The following ZNF567 variants were observed in gnomAD, a reference collection of about 807,000 sequenced individuals.
The protein encoded by ZNF567 is zinc finger protein 567.
In ZNF567, 36 loss-of-function variants were observed where a neutral mutation model predicts 53.9. That is an observed-to-expected ratio of 0.67 (90% CI 0.51 to 0.88). The LOEUF (loss-of-function observed/expected upper bound fraction) is 0.88. Among genes scored for constraint, ZNF567 ranks in the 40% least tolerant of loss-of-function variants. The probability of loss-of-function intolerance (pLI) is 0.00; values close to 1 mark genes in which losing one functional copy is unlikely to be tolerated. For missense variants in ZNF567, 619 were observed against 764.7 expected, an observed-to-expected ratio of 0.81 and a Z score of 2.25; for synonymous variants, 224 against 260.4, an observed-to-expected ratio of 0.86 and a Z score of 1.35.
At position 36,719,721 on chromosome 19, in the gene ZNF567, G is replaced by A; in HGVS notation, c.997G>A (p.Gly333Arg). ...CACTGATCATCAGAGAACACACACA[G>A]GGGAGAAATCGTATGAATGTCTGCA... ...ALTDHQRTHT[G>R]EKSYECLQCR... The change falls in exon 6 of 6, where the codon GGG becomes AGG. Residue 333 changes from glycine to arginine, a missense_variant. Coordinates refer to ENST00000682579, the MANE Select transcript of ZNF567 (RefSeq NM_001322917.1). 1 of 1,614,042 alleles carries A rather than the reference G, an allele frequency of 6.2e-7. No homozygotes were observed. The highest frequency in any genetic ancestry group is 1.1e-5 in the South Asian group (1 of 91,072).
chr19:36,710,526 T>C (rs2039727948), intron 3 of ZNF567, among the ~76,000 whole-genome samples: 1 of 152,222 alleles, frequency 6.6e-6, no homozygotes, highest in Non-Finnish European at 1.5e-5. Flanking sequence ...ATTAGCTTGC[T>C]TGTAATCAAA....
At chr19:36,705,436 C>T (rs2039442073) in intron 3 of ZNF567, among the ~76,000 whole-genome samples, 1 of 151,970 alleles carries the variant, frequency 6.6e-6, no homozygotes. Context: ...TTGTTTTTTG[C>T]TCATTGGTTA....
downstream of ZNF567, chr19:36,723,405 C>T: frequency 5.1e-6 from 3 of 591,034 alleles, no homozygotes; most frequent in Admixed American, 5.9e-5. Context: ...TAGCCATGTA[C>T]TGTTTCAGTA....
At chr19:36,714,068 C>G (rs1336798174) in intron 5 of ZNF567, among the ~76,000 whole-genome samples, 1 of 152,138 alleles carries the variant, frequency 6.6e-6, no homozygotes, top group Non-Finnish European at 1.5e-5. Flanking sequence ...TTTTTATTAG[C>G]TCGTGTATCT....
chr19:36,703,865 G>C (rs3108565), intron 3 of ZNF567: 102,768 of 152,842 alleles, frequency 0.67, 34,883 homozygotes, highest in East Asian at 0.82. Context: ...AGGGAACATC[G>C]TGACCCCTTG....
chr19:36,699,075 A>T (rs1214639429), intron 3 of ZNF567, among the ~76,000 whole-genome samples: 1 of 152,018 alleles, frequency 6.6e-6, no homozygotes, highest in Non-Finnish European at 1.5e-5. Context: ...TAAGTCTTTA[A>T]TCCATCTTGA....
intron 5 of ZNF567, among the ~76,000 whole-genome samples, chr19:36,715,818 C>T (rs769735598): frequency 2.0e-5 from 3 of 152,054 alleles, no homozygotes; most frequent in South Asian, 2.1e-4. Flanking sequence ...CCTGAGCCAC[C>T]GTGCCCAATC....
chr19:36,684,779 A>T (rs914492026), upstream of ZNF567, among the ~76,000 whole-genome samples: 1 of 152,178 alleles, frequency 6.6e-6, no homozygotes, highest in Non-Finnish European at 1.5e-5. Flanking sequence ...TTAATCATCA[A>T]GCAGAAAGAA....
the ZNF567 span, among the ~76,000 whole-genome samples, chr19:36,672,175 C>A: frequency 6.6e-6 from 1 of 152,342 alleles, no homozygotes; most frequent in Middle Eastern, 3.4e-3. Context: ...GAACTCTGAG[C>A]ACCGCACCTG....
At chr19:36,693,144 C>T (rs141458391) in intron 2 of ZNF567, among the ~76,000 whole-genome samples, 10 of 152,112 alleles carry the variant, frequency 6.6e-5, no homozygotes, top group East Asian at 3.9e-4. Context: ...AAAAGTTAGC[C>T]GGTCTTGATG....
the ZNF567 span, among the ~76,000 whole-genome samples, chr19:36,678,426 T>C: frequency 6.6e-6 from 1 of 152,118 alleles, no homozygotes; most frequent in Non-Finnish European, 1.5e-5. Flanking sequence ...CTATTCCACA[T>C]AGCAAAGGAA....
chr19:36,674,241 G>C, the ZNF567 span, among the ~76,000 whole-genome samples: 731 of 152,272 alleles, frequency 4.8e-3, 3 homozygotes, highest in Non-Finnish European at 7.5e-3. Flanking sequence ...CTGGCAACAT[G>C]CAAGACCTTG....
chr19:36,677,117 T>C, the ZNF567 span, among the ~76,000 whole-genome samples: 2 of 129,872 alleles, frequency 1.5e-5, no homozygotes, highest in African/African-American at 3.0e-5. Context: ...ACCATGCCAT[T>C]GCACTCTAGC....
At chr19:36,688,733 GGA>G (rs1473304195) in intron 1 of ZNF567, among the ~76,000 whole-genome samples, 1 of 151,220 alleles carries the variant, frequency 6.6e-6, no homozygotes, top group Non-Finnish European at 1.5e-5. Flanking sequence ...CGTGAACCCG[GGA>G]GGCGGAGCTT....
intron 3 of ZNF567, among the ~76,000 whole-genome samples, chr19:36,701,832 A>G (rs1288216502): frequency 2.5e-5 from 3 of 120,332 alleles, no homozygotes; most frequent in Non-Finnish European, 3.5e-5. Flanking sequence ...TGCACGTGAG[A>G]TGGGTTTCCT....
chr19:36,712,492 A>G lies in ZNF567; in HGVS notation c.116A>G (p.Tyr39Cys). ...TLYMDVMLEN[Y>C]CHLISVGCHM... ...TATATGGATGTGATGTTGGAAAACTATTGCCACCTCATCTCTGTGGGTAAG... is the reference window on the plus strand; with the variant it reads ...TATATGGATGTGATGTTGGAAAACTGTTGCCACCTCATCTCTGTGGGTAAG... The change falls in exon 4 of 6, where the codon TAT (tyrosine) becomes TGT (cysteine). Residue 39 changes from tyrosine (Y) to cysteine (C), a missense_variant. By Grantham distance (194) the Tyr-to-Cys change is radical. Coordinates refer to ENST00000682579, the MANE Select transcript of ZNF567 (RefSeq NM_001322917.1). 2 of 1,614,090 alleles carry G rather than the reference A, an allele frequency of 1.2e-6. No homozygotes were observed.
At chr19:36,688,481 G>C (rs2038387061) in intron 1 of ZNF567, among the ~76,000 whole-genome samples, 1 of 151,962 alleles carries the variant, frequency 6.6e-6, no homozygotes, top group Non-Finnish European at 1.5e-5. Flanking sequence ...TTAATGGAGA[G>C]GAAGAGGCAA....
At chr19:36,715,959 T>G (rs2040047079) in intron 5 of ZNF567, among the ~76,000 whole-genome samples, 1 of 152,256 alleles carries the variant, frequency 6.6e-6, no homozygotes, top group Non-Finnish European at 1.5e-5. Context: ...TCCTCCCATA[T>G]TCTGATTTCT....
the ZNF567 span, among the ~76,000 whole-genome samples, chr19:36,671,617 G>A: frequency 2.6e-5 from 4 of 152,170 alleles, no homozygotes; most frequent in African/African-American, 4.8e-5. Flanking sequence ...GAGGGATGCC[G>A]TTTGGAGCCT....
Sources: gnomAD v4.1 joint callset for allele counts (sites outside exome capture counted in the v4.1 genomes callset) on GRCh38, gnomAD v4.1.1 for gene constraint, MANE v1.5 for transcripts, NCBI Gene and HGNC (gene_info 2026-07-23, HGNC 2026-07-21) for gene names.